FRY: variants seen among roughly 807,000 people sequenced by gnomAD.
FRY encodes the protein FRY microtubule binding protein.
FRY carries 128 observed loss-of-function variants against 348.4 expected under a neutral mutation model. The observed-to-expected ratio is 0.37, with a 90% CI of 0.32 to 0.43. The LOEUF (loss-of-function observed/expected upper bound fraction) is 0.43. Ranked by LOEUF, FRY falls within the 20% of genes least tolerant of loss-of-function variation. The pLI is 1.00. For synonymous variants in FRY, 1,370 were observed against 1,374.7 expected (o/e 1.00, Z 0.08); for missense variants, 2,736 against 3,695.2 (o/e 0.74, Z 6.73).
chr13:32,254,074 A>G, intron 50 of FRY, 150 bp from the exon 51 acceptor site: 3 of 776,168 alleles, frequency 3.9e-6, no homozygotes, highest in South Asian at 3.0e-5. Flanking sequence ...CCTGTCCAAC[A>G]TAAATAATAA....
chr13:32,097,639 C>T (rs1317005637), intron 2 of FRY, among the ~76,000 whole-genome samples: 2 of 151,296 alleles, frequency 1.3e-5, no homozygotes, highest in Non-Finnish European at 1.5e-5. Context: ...GGGATTATAG[C>T]CATAAGCCAC....
chr13:32,275,014 G>A (rs1483881099), intron 56 of FRY, 23 bp downstream of exon 56: 2 of 1,606,374 alleles, frequency 1.2e-6, no homozygotes, highest in Admixed American at 1.7e-5. Flanking sequence ...GTCCTGCTCT[G>A]ACAGTGAAGG....
chr13:32,179,146 A>T, intron 22 of FRY, 113 bp downstream of exon 22: 1 of 761,014 alleles, frequency 1.3e-6, no homozygotes, highest in South Asian at 1.5e-5. Context: ...TTATGGGATC[A>T]GATTTTCATC....
chr13:32,120,653 G>A (rs774931874), intron 4 of FRY, among the ~76,000 whole-genome samples: 4 of 151,928 alleles, frequency 2.6e-5, no homozygotes, highest in Non-Finnish European at 4.4e-5. Flanking sequence ...GAAGTCCATT[G>A]TATCATTCTT....
chr13:32,149,846 C>T lies in FRY; in HGVS notation c.1479+12C>T. The T allele has an allele frequency of 6.6e-7, 1 of 1,508,704 alleles. No individual in the cohort carries two copies. The highest frequency in any genetic ancestry group is 1.1e-5 in the South Asian group (1 of 88,952). 93.5% of individuals were successfully genotyped at this position (1,508,704 alleles called of 1,614,324 possible). A position where few individuals can be genotyped will look rare whatever the true frequency, so the allele number is the denominator to read the frequency against. On this transcript the variant is annotated intron_variant, in intron 14 of 60. Coordinates refer to ENST00000542859, the MANE Select transcript of FRY (RefSeq NM_023037.3). ...GTCTCAACCCAGAGGTATGAATGAT[C>T]CTTTTATGTACTTCTAACAGAGCAT...
At chr13:32,233,004 A>AT (rs1051984726) in intron 41 of FRY, among the ~76,000 whole-genome samples, 10 of 150,104 alleles carry the variant, frequency 6.7e-5, no homozygotes, top group African/African-American at 2.0e-4. Flanking sequence ...ACTTCCACAT[A>AT]TAAAAAAAAA....
At chr13:32,197,123 C>T (rs566331423) in intron 29 of FRY, among the ~76,000 whole-genome samples, 2 of 151,992 alleles carry the variant, frequency 1.3e-5, no homozygotes, top group Admixed American at 6.6e-5. Flanking sequence ...ACTTTTAAAA[C>T]GTGTTTAATA....
At chr13:32,054,207 C>T (rs185947377) in intron 1 of FRY, among the ~76,000 whole-genome samples, 192 of 148,830 alleles carry the variant, frequency 1.3e-3, no homozygotes, top group Middle Eastern at 3.4e-3. Flanking sequence ...TTGAACACAC[C>T]CTTTTTTTTT....
chr13:32,088,559 G>A (rs1876042083), intron 2 of FRY, among the ~76,000 whole-genome samples: 1 of 152,156 alleles, frequency 6.6e-6, no homozygotes. Flanking sequence ...GAGCTCATAA[G>A]TTTGTTTTCT....
intron 1 of FRY, among the ~76,000 whole-genome samples, chr13:32,056,392 CTCCTAATACACATTT>C (rs1873624944): frequency 2.0e-5 from 3 of 152,246 alleles, no homozygotes; most frequent in African/African-American, 7.2e-5. Context: ...CCTAGTGGCC[CTCCTAATACACATTT>C]TCAGGTTGCA....
At chr13:32,105,919 T>C (rs547085938) in intron 3 of FRY, among the ~76,000 whole-genome samples, 10 of 152,090 alleles carry the variant, frequency 6.6e-5, no homozygotes, top group East Asian at 3.9e-4. Flanking sequence ...TGATTCATTT[T>C]CTTCTTGCTA....
At position 32,201,051 on chromosome 13, in the gene FRY, C is replaced by T. The variant is rs576334225; in HGVS notation, c.3747-890C>T. Among the ~76,000 whole-genome samples, 6 of 152,328 alleles carry T rather than the reference C, an allele frequency of 3.9e-5. No individual in the cohort carries two copies. The East Asian group carries it at 1.2e-3, about 29-fold the overall frequency. On this transcript the variant is annotated intron_variant, in intron 29 of 60. Transcript: ENST00000542859. Reference sequence around the variant, plus strand: ...CAAATCCTGTAGTGCTTCTCTGAAACTTTAGGGTGAAGTCCATAGGCTGGT... The same window carrying T: ...CAAATCCTGTAGTGCTTCTCTGAAATTTTAGGGTGAAGTCCATAGGCTGGT...
chr13:32,200,298 G>A (rs943613567), intron 29 of FRY, among the ~76,000 whole-genome samples: 1 of 152,166 alleles, frequency 6.6e-6, no homozygotes. Context: ...ATGTAATTAT[G>A]TAGAATCAAA....
chr13:32,165,436 C>A (rs1039557769), intron 17 of FRY, among the ~76,000 whole-genome samples: 3 of 152,136 alleles, frequency 2.0e-5, no homozygotes, highest in Non-Finnish European at 4.4e-5. Flanking sequence ...TAGTTCGAAC[C>A]ACTGTAGATA....
At chr13:32,286,974 A>G (rs1007773912) in intron 58 of FRY, among the ~76,000 whole-genome samples, 10 of 151,596 alleles carry the variant, frequency 6.6e-5, no homozygotes, top group Admixed American at 2.6e-4. Flanking sequence ...CCTGACCAAC[A>G]TGGTGAAACC....
At chr13:32,035,445 A>G (rs1018406171) in intron 1 of FRY, among the ~76,000 whole-genome samples, 1 of 152,206 alleles carries the variant, frequency 6.6e-6, no homozygotes, top group African/African-American at 2.4e-5. Context: ...AGTGGCAGAA[A>G]GTCACTTTGG....
At chr13:32,279,047 A>AG (rs1277858445) in intron 58 of FRY, among the ~76,000 whole-genome samples, 2 of 152,216 alleles carry the variant, frequency 1.3e-5, no homozygotes, top group African/African-American at 4.8e-5. Context: ...TTACATATTG[A>AG]GTGCCTCCTG....
intron 1 of FRY, among the ~76,000 whole-genome samples, chr13:32,033,953 G>A (rs1872373890): frequency 6.6e-6 from 1 of 152,354 alleles, no homozygotes; most frequent in Admixed American, 6.5e-5. Context: ...TGTCTGTGTA[G>A]AAGGCAAAGT....
At chr13:32,240,135 A>G (rs887210142) in intron 46 of FRY, among the ~76,000 whole-genome samples, 1 of 152,250 alleles carries the variant, frequency 6.6e-6, no homozygotes, top group Non-Finnish European at 1.5e-5. Flanking sequence ...GTGTGTGCCT[A>G]TTAAATATTA....
Sources: gnomAD v4.1 joint callset for allele counts (sites outside exome capture counted in the v4.1 genomes callset) on GRCh38, gnomAD v4.1.1 for gene constraint, MANE v1.5 for transcripts, NCBI Gene and HGNC (gene_info 2026-07-23, HGNC 2026-07-21) for gene names.